Variants in OR4K14 observed in about 807,000 individuals in gnomAD.
The protein encoded by OR4K14 is olfactory receptor family 4 subfamily K member 14.
For synonymous variants in OR4K14, 153 were observed against 141.5 expected (o/e 1.08, Z -0.58); for missense variants, 406 against 373.6 (o/e 1.09, Z -0.72).
chr14:20,015,357 CAGAAAT>C (rs1277270797), intron 1 of OR4K14, 135 bp from the exon 2 acceptor site: 1 of 536,536 alleles, frequency 1.9e-6, no homozygotes, highest in African/African-American at 1.9e-5. Context: ...GTCAAACTTA[CAGAAAT>C]AGAAAGTAAA....
At chr14:20,015,404 G>GGGTGA (rs1443016435) in intron 1 of OR4K14, among the ~76,000 whole-genome samples, 182 bp from the exon 2 acceptor site, 1 of 152,158 alleles carries the variant, frequency 6.6e-6, no homozygotes, top group Non-Finnish European at 1.5e-5. Flanking sequence ...GGAAGGAGAA[G>GGGTGA]GGTGAGGGAT....
chr14:20,015,297 C>A, intron 1 of OR4K14, 75 bp from the exon 2 acceptor site: 1 of 669,200 alleles, frequency 1.5e-6, no homozygotes, highest in Non-Finnish European at 2.5e-6. Flanking sequence ...AAGCCAGGCA[C>A]AGAAAGACAA....
In OR4K14 at chr14:20,014,363, G is replaced by A. The variant is rs1223086598; in HGVS notation, c.831C>T (p.Thr277=). ...SVDKLLSVFY[T]IFTPLLNPII... is the part of the protein sequence containing the mutation. ...TGGGGTTCAGGAGTGGAGTAAAAAT[G>A]GTATAAAACACAGACAGCAGCTTGT... The change falls in exon 2 of 2, where the codon ACC becomes ACT. Residue 277 remains threonine, a synonymous_variant. Coordinates refer to ENST00000641793, the MANE Select transcript of OR4K14 (RefSeq NM_001004712.2). 6.2e-7 allele frequency: 1 copy of A among 1,613,492 alleles called. No individual in the cohort carries two copies. The highest frequency in any genetic ancestry group is 8.5e-7 in the Non-Finnish European group (1 of 1,179,582).
chr14:20,015,318 A>T (rs1877075016), intron 1 of OR4K14, 96 bp from the exon 2 acceptor site: 1 of 599,002 alleles, frequency 1.7e-6, no homozygotes, highest in African/African-American at 1.9e-5. Flanking sequence ...ATATCAAATG[A>T]TGTCACTTAA....
Position 20,014,799 on chromosome 14 carries a change from T to G in OR4K14, c.395A>C (p.His132Pro), listed in dbSNP as rs1368695534. 8 of 1,613,976 alleles carry G rather than the reference T, an allele frequency of 5.0e-6. No individual in the cohort carries two copies. Among genetic ancestry groups the G allele is most frequent in the Non-Finnish European group, 5.9e-6 (7 of 1,180,024 alleles). ...DRYVAICKPL[H>P]YMTLMSWQTC... ...CTGCCAACTCATCAAAGTCATGTAA[T>G]GCAAGGGTTTGCATATGGCCACATA... The change falls in exon 2 of 2, where the codon CAT (histidine) becomes CCT (proline). Residue 132 changes from histidine to proline, a missense_variant. Transcript: ENST00000641793.
At chr14:20,018,440 C>T (rs928460612) in intron 1 of OR4K14, among the ~76,000 whole-genome samples, 5 of 151,938 alleles carry the variant, frequency 3.3e-5, no homozygotes, top group South Asian at 2.1e-4. Flanking sequence ...GACATAATCA[C>T]AAAGCAATAA....
intron 1 of OR4K14, among the ~76,000 whole-genome samples, chr14:20,016,039 G>A (rs993196696): frequency 6.1e-5 from 9 of 147,746 alleles, no homozygotes; most frequent in African/African-American, 2.0e-4. Flanking sequence ...CATCTCTGTC[G>A]ATATCATTGC....
chr14:20,015,270 A>G (rs1462557291), intron 1 of OR4K14, 48 bp from the exon 2 acceptor site: 1 of 848,340 alleles, frequency 1.2e-6, no homozygotes, highest in Admixed American at 2.4e-5. Flanking sequence ...CCTCAAGGAC[A>G]TTGTATTAAG....
Position 20,014,929 on chromosome 14 carries a change from C to A in OR4K14, c.265G>T (p.Asp89Tyr), listed in dbSNP as rs1188008581. 14 of 1,613,944 alleles carry A rather than the reference C, an allele frequency of 8.7e-6. No homozygotes were observed. Among genetic ancestry groups the A allele is most frequent in the Non-Finnish European group, 1.1e-5 (13 of 1,180,030 alleles). Residue 89 changes from aspartate (D) to tyrosine (Y), a missense_variant, in exon 2 of 2, where the codon GAT becomes TAT. Transcript: ENST00000641793. ...CCTCCAAAGGAGATGAGTTTTTGAT[C>A]ACTAAGGAAATCCCTGATCATCTTG... The part of the protein sequence containing the change: ...TPKMIRDFLS[D>Y]QKLISFGGCM...
At chr14:20,015,909 C>A (rs902069859) in intron 1 of OR4K14, among the ~76,000 whole-genome samples, 5 of 150,842 alleles carry the variant, frequency 3.3e-5, no homozygotes, top group African/African-American at 1.2e-4. Flanking sequence ...CTTTTTTTTT[C>A]CTTCTTTCCA....
At position 20,014,389 on chromosome 14, in the gene OR4K14, C is replaced by G; in HGVS notation, c.805G>C (p.Asp269His). Reference sequence around the variant, plus strand: ...GTATAAAACACAGACAGCAGCTTGTCCACAGAGAACCTACTGAAAGGCCGC... The same window carrying G: ...GTATAAAACACAGACAGCAGCTTGTGCACAGAGAACCTACTGAAAGGCCGC... ...YVRPFSRFSV[D>H]KLLSVFYTIF... The change falls in exon 2 of 2, where the codon GAC becomes CAC. Residue 269 changes from aspartate to histidine, a missense_variant. Transcript: ENST00000641793. 2 of 1,613,918 alleles carry G rather than the reference C, an allele frequency of 1.2e-6. No individual in the cohort carries two copies. The highest frequency in any genetic ancestry group is 1.7e-6 in the Non-Finnish European group (2 of 1,179,936).
intron 1 of OR4K14, among the ~76,000 whole-genome samples, chr14:20,018,413 C>T (rs1223212542): frequency 6.6e-6 from 1 of 151,916 alleles, no homozygotes; most frequent in African/African-American, 2.4e-5. Context: ...AAGCCAAAAT[C>T]CCCAACGGGT....
intron 1 of OR4K14, among the ~76,000 whole-genome samples, chr14:20,016,346 C>T (rs1006136719): frequency 2.0e-5 from 3 of 151,402 alleles, no homozygotes; most frequent in African/African-American, 4.8e-5. Context: ...TAAGCTAAAA[C>T]GCATGTTTTG....
rs149838792 is a variant in OR4K14, at chr14:20,014,632, G to A, written c.562C>T (p.Leu188Phe). The change falls in exon 2 of 2, where the codon CTT (leucine) becomes TTT (phenylalanine). Residue 188 changes from leucine (L) to phenylalanine (F), a missense_variant. Leu to Phe is a conservative substitution (Grantham distance 22). Transcript: ENST00000641793. Reference protein sequence around the residue: ...FFCDLPLVIKLACMDTYVLGI... With the variant: ...FFCDLPLVIKFACMDTYVLGI... ...AAGACATAGGTGTCCATGCAGGCAAGTTTGATCACCAGAGGGAGGTCACAG... is the reference window on the plus strand; with the variant it reads ...AAGACATAGGTGTCCATGCAGGCAAATTTGATCACCAGAGGGAGGTCACAG... The A allele has an allele frequency of 3.2e-5, 51 of 1,613,950 alleles. No individual in the cohort carries two copies. In the African/African-American group the frequency reaches 4.9e-4, roughly 16 times the overall value.
chr14:20,015,811 T>C (rs1439750568), intron 1 of OR4K14, among the ~76,000 whole-genome samples: 1 of 152,052 alleles, frequency 6.6e-6, no homozygotes, highest in Non-Finnish European at 1.5e-5. Flanking sequence ...CTAACAAGCA[T>C]GTATATTTGC....
rs181398214 is a variant in OR4K14 at position 20,014,413 on chromosome 14, G to T, written c.781C>A (p.Arg261=). 2 of 1,613,934 alleles carry T rather than the reference G, an allele frequency of 1.2e-6. No homozygotes were observed. The highest frequency in any genetic ancestry group is 1.3e-5 in the African/African-American group (1 of 74,972). The change falls in exon 2 of 2, where the codon CGG becomes AGG. Residue 261 remains arginine (R), a synonymous_variant. Transcript: ENST00000641793. ...TCCACAGAGAACCTACTGAAAGGCC[G>T]CACATAAACAAAAATGCAAGGGCCA... ...FFGPCIFVYV[R]PFSRFSVDKL...
At chr14:20,017,142 C>A (rs1877116309) in intron 1 of OR4K14, among the ~76,000 whole-genome samples, 1 of 151,784 alleles carries the variant, frequency 6.6e-6, no homozygotes, top group South Asian at 2.1e-4. Context: ...ATAAAATCAT[C>A]TATTTAAAAT....
Position 20,014,399 on chromosome 14 carries a change from C to A in OR4K14, c.795G>T (p.Arg265Ser), listed in dbSNP as rs199670460. Reference protein sequence around the residue: ...CIFVYVRPFSRFSVDKLLSVF... With the variant: ...CIFVYVRPFSSFSVDKLLSVF... ...CAGACAGCAGCTTGTCCACAGAGAA[C>A]CTACTGAAAGGCCGCACATAAACAA... is the stretch of plus-strand genomic sequence containing the variant. Residue 265 changes from arginine (R) to serine (S), a missense_variant, in exon 2 of 2, where the codon AGG becomes AGT. Coordinates refer to ENST00000641793, the MANE Select transcript of OR4K14 (RefSeq NM_001004712.2). The A allele has an allele frequency of 1.3e-5, 21 of 1,613,976 alleles. No individual in the cohort carries two copies. The East Asian group carries it at 3.6e-4, about 27-fold the overall frequency.
chr14:20,018,612 G>A (rs1217619924), intron 1 of OR4K14, among the ~76,000 whole-genome samples: 1 of 151,896 alleles, frequency 6.6e-6, no homozygotes, highest in Non-Finnish European at 1.5e-5. Flanking sequence ...TTTTAATAAA[G>A]ATTAAGTGAA....
Sources: allele counts gnomAD v4.1 joint callset (sites outside exome capture counted in the v4.1 genomes callset), GRCh38; gene constraint gnomAD v4.1.1; transcripts MANE v1.5; gene names NCBI Gene and HGNC (gene_info 2026-07-23, HGNC 2026-07-21).